Variants in FAP observed in about 807,000 individuals in gnomAD.
FAP encodes fibroblast activation protein alpha, also known as prolyl endopeptidase FAP.
In FAP, 110 loss-of-function variants were observed where a neutral mutation model predicts 126.5. The observed-to-expected ratio is 0.87, with a 90% CI of 0.74 to 1.02. The LOEUF (loss-of-function observed/expected upper bound fraction) is 1.02, where lower values mean the gene tolerates loss of function less well. FAP is among the 50% of genes least tolerant of loss of function. The pLI, the probability that FAP is intolerant of heterozygous loss-of-function variation, is 0.00. For synonymous variants in FAP, 334 were observed against 297.3 expected, an observed-to-expected ratio of 1.12 and a Z score of -1.27; for missense variants, 919 against 909.2, an observed-to-expected ratio of 1.01 and a Z score of -0.14.
chr2:162,234,901 C>T (rs1322953456), intron 2 of FAP, among the ~76,000 whole-genome samples: 2 of 152,122 alleles, frequency 1.3e-5, no homozygotes, highest in Non-Finnish European at 2.9e-5. Flanking sequence ...CCACGCTTGC[C>T]GGCCAGCTAG....
rs189121659 is a variant in FAP at position 162,217,854 on chromosome 2, T to C, written c.762+132A>G. On this transcript the variant is annotated intron_variant, in intron 9 of 25. Coordinates refer to ENST00000188790, the MANE Select transcript of FAP (RefSeq NM_004460.5). ...TGTCCACATAAATAATAGAGCACAG[T>C]ACAATGTTTGCCTTACAATGCTCAA... is the stretch of plus-strand genomic sequence containing the variant. 242 of 624,700 alleles carry C rather than the reference T, an allele frequency of 3.9e-4. 2 individuals carry two copies. The Middle Eastern group carries it at 7.1e-3, about 18-fold the overall frequency. The allele number at this position is 624,700 out of a possible 1,614,324, so 38.7% of individuals were successfully genotyped here.
intron 10 of FAP, among the ~76,000 whole-genome samples, chr2:162,214,823 T>C (rs2106268261): frequency 6.6e-6 from 1 of 152,196 alleles, no homozygotes; most frequent in East Asian, 1.9e-4. Context: ...TTATATAAAA[T>C]CAGAATAATA....
At chr2:162,182,965 C>T (rs1687743723) in intron 21 of FAP, among the ~76,000 whole-genome samples, 1 of 151,966 alleles carries the variant, frequency 6.6e-6, no homozygotes, top group South Asian at 2.1e-4. Context: ...TAAAAAGAAA[C>T]AAAATTAAAC....
chr2:162,183,269 C>T (rs113456084), intron 21 of FAP, 145 bp downstream of exon 21: 6 of 715,150 alleles, frequency 8.4e-6, no homozygotes, highest in African/African-American at 1.8e-5. Flanking sequence ...TTTTGAAGCC[C>T]AGATTATCCA....
chr2:162,171,155 T>C, intron 25 of FAP, 75 bp from the exon 26 acceptor site: 1 of 1,052,860 alleles, frequency 9.5e-7, no homozygotes, highest in Non-Finnish European at 1.5e-6. Context: ...TTTTGTGCTC[T>C]CAGGACCTGA....
At chr2:162,226,806 A>G (rs1311456123) in intron 2 of FAP, among the ~76,000 whole-genome samples, 185 bp from the exon 3 acceptor site, 1 of 152,182 alleles carries the variant, frequency 6.6e-6, no homozygotes, top group Non-Finnish European at 1.5e-5. Context: ...TTGTAGATAC[A>G]GTAATTAAGA....
chr2:162,224,122 C>T (rs538664541), intron 5 of FAP, among the ~76,000 whole-genome samples: 1 of 152,110 alleles, frequency 6.6e-6, no homozygotes, highest in South Asian at 2.1e-4. Flanking sequence ...ATGCAAAATG[C>T]TTGCCTTTCT....
At chr2:162,194,436 T>C (rs775634939) in intron 17 of FAP, among the ~76,000 whole-genome samples, 1 of 152,114 alleles carries the variant, frequency 6.6e-6, no homozygotes, top group African/African-American at 2.4e-5. Context: ...ATAAGGCTGA[T>C]TGGAGAAGAT....
intron 12 of FAP, among the ~76,000 whole-genome samples, chr2:162,205,161 T>C (rs1688655828): frequency 6.6e-6 from 1 of 152,246 alleles, no homozygotes; most frequent in African/African-American, 2.4e-5. Flanking sequence ...GCCTGATTTA[T>C]GAATTGTTTT....
In FAP at chr2:162,209,909, TC is replaced by T. The variant is rs1349571016; in HGVS notation, c.1047+42del. ...TAGTCCTTTGATAGCTGAGAATCTG[TC>T]AAGTTTCATTAAAACATAAGAAAAA... On this transcript the variant is annotated intron_variant, in intron 12 of 25. Coordinates refer to ENST00000188790, the MANE Select transcript of FAP (RefSeq NM_004460.5). The T allele has an allele frequency of 2.6e-6, 4 of 1,568,392 alleles. No individual in the cohort carries two copies. In the African/African-American group the frequency reaches 5.4e-5, roughly 21 times the overall value.
intron 20 of FAP, among the ~76,000 whole-genome samples, chr2:162,187,750 A>G (rs538881832): frequency 6.6e-6 from 1 of 152,180 alleles, no homozygotes; most frequent in Admixed American, 6.6e-5. Context: ...CTAACATCTA[A>G]AAGTATGTAG....
At chr2:162,235,057 C>T (rs1201970442) in intron 2 of FAP, among the ~76,000 whole-genome samples, 1 of 152,152 alleles carries the variant, frequency 6.6e-6, no homozygotes, top group Non-Finnish European at 1.5e-5. Context: ...AGTTTCTCGC[C>T]AGGCTTTAGC....
intron 11 of FAP, among the ~76,000 whole-genome samples, chr2:162,212,045 A>G (rs908578272): frequency 6.6e-5 from 10 of 152,230 alleles, no homozygotes; most frequent in Admixed American, 6.5e-4. Context: ...TTCTAAGGTT[A>G]TTCAAACATG....
chr2:162,225,033 C>T (rs1689576287), intron 4 of FAP, among the ~76,000 whole-genome samples: 1 of 152,122 alleles, frequency 6.6e-6, no homozygotes, highest in Non-Finnish European at 1.5e-5. Context: ...AGCACTTATT[C>T]TATGTTAGGC....
chr2:162,177,559 T>C (rs1426518302), intron 21 of FAP, among the ~76,000 whole-genome samples: 1 of 152,174 alleles, frequency 6.6e-6, no homozygotes, highest in Non-Finnish European at 1.5e-5. Context: ...CATGCCTCAC[T>C]TCCTCTCCTC....
chr2:162,194,552 A>G, intron 17 of FAP, 149 bp downstream of exon 17: 1 of 673,472 alleles, frequency 1.5e-6, no homozygotes. Flanking sequence ...ATAATATCCA[A>G]ATCTGTGCAA....
At position 162,181,322 on chromosome 2, in the gene FAP, G is replaced by A. The variant is rs554754831; in HGVS notation, c.1869+2092C>T. 2.6e-5 allele frequency among the ~76,000 whole-genome samples: 4 copies of A among 152,164 alleles called. No homozygotes were observed. The South Asian group carries it at 8.3e-4, about 32-fold the overall frequency. ...AAGGTGTAACAATCATAGAGGCACA[G>A]AAGAATGAAGAGAAAGGTGTCACAG... is the stretch of plus-strand genomic sequence containing the variant. On this transcript the variant is annotated intron_variant, in intron 21 of 25. Transcript: ENST00000188790.
intron 2 of FAP, among the ~76,000 whole-genome samples, chr2:162,233,601 T>C (rs977155468): frequency 3.9e-4 from 59 of 152,314 alleles, no homozygotes; most frequent in African/African-American, 1.3e-3. Flanking sequence ...CAGAATTCTT[T>C]GTATATTCTA....
chr2:162,175,074 A>C lies in FAP; in HGVS notation c.1870-108T>G. On this transcript the variant is annotated intron_variant, in intron 21 of 25. Coordinates refer to ENST00000188790, the MANE Select transcript of FAP (RefSeq NM_004460.5). Reference sequence around the variant, plus strand: ...TCCGGACTGAAGGGAGCTGGAGAATATGGCTAAGGGTGGATTACATGTCTA... The same window carrying C: ...TCCGGACTGAAGGGAGCTGGAGAATCTGGCTAAGGGTGGATTACATGTCTA... 2 of 728,612 alleles carry C rather than the reference A, an allele frequency of 2.7e-6. 1 individual carries two copies. The highest frequency in any genetic ancestry group is 4.7e-6 in the Non-Finnish European group (2 of 421,794). 45.1% of individuals were successfully genotyped at this position (728,612 alleles called of 1,614,324 possible).
Sources: gnomAD v4.1 joint callset for allele counts (sites outside exome capture counted in the v4.1 genomes callset) on GRCh38, gnomAD v4.1.1 for gene constraint, MANE v1.5 for transcripts, NCBI Gene and HGNC (gene_info 2026-07-23, HGNC 2026-07-21) for gene names.